The following NBAS variants were observed in gnomAD, a reference collection of about 807,000 sequenced individuals.
NBAS encodes NBAS subunit of NRZ tethering complex, also known as NAG/BC035112 fusion.
NBAS carries 219 observed loss-of-function variants against 302.5 expected under a neutral mutation model. That is an observed-to-expected ratio of 0.72 (90% CI 0.65 to 0.81). The LOEUF (loss-of-function observed/expected upper bound fraction) is 0.81, where lower values mean the gene tolerates loss of function less well. NBAS is among the 30% of genes least tolerant of loss of function. NBAS has a pLI of 0.00. For synonymous variants in NBAS, 1,118 were observed against 1,021.6 expected, an observed-to-expected ratio of 1.09 and a Z score of -1.80; for missense variants, 2,932 against 2,841.6, an observed-to-expected ratio of 1.03 and a Z score of -0.72.
chr2:15,148,291 T>C, the NBAS span, among the ~76,000 whole-genome samples: 191 of 152,290 alleles, frequency 1.3e-3, no homozygotes, highest in African/African-American at 4.3e-3. Flanking sequence ...ACCCAGGCCC[T>C]GCCACCAAAG....
the NBAS span, among the ~76,000 whole-genome samples, chr2:14,957,155 C>A: frequency 6.6e-6 from 1 of 152,106 alleles, no homozygotes; most frequent in Non-Finnish European, 1.5e-5. Flanking sequence ...AAAGAACCAA[C>A]CCTGATGACA....
At chr2:15,483,014 A>C (rs1403137184) in intron 12 of NBAS, among the ~76,000 whole-genome samples, 1 of 152,196 alleles carries the variant, frequency 6.6e-6, no homozygotes, top group African/African-American at 2.4e-5. Flanking sequence ...TGTTCTAAGA[A>C]TAGTTATAGG....
the NBAS span, among the ~76,000 whole-genome samples, chr2:14,923,644 G>A: frequency 6.6e-6 from 1 of 152,152 alleles, no homozygotes; most frequent in Non-Finnish European, 1.5e-5. Flanking sequence ...CACAACGTAG[G>A]ACATGGAGAA....
At chr2:15,465,679 T>A (rs1679690206) in intron 19 of NBAS, among the ~76,000 whole-genome samples, 1 of 152,194 alleles carries the variant, frequency 6.6e-6, no homozygotes. Flanking sequence ...ATTCATCAAA[T>A]TCACCTACTT....
intron 35 of NBAS, among the ~76,000 whole-genome samples, chr2:15,337,553 T>C (rs1196255829): frequency 6.6e-6 from 1 of 152,206 alleles, no homozygotes; most frequent in African/African-American, 2.4e-5. Context: ...TGTGCTTCTG[T>C]CCAAATGGAT....
At chr2:14,890,211 G>C in the NBAS span, among the ~76,000 whole-genome samples, 3 of 151,736 alleles carry the variant, frequency 2.0e-5, no homozygotes, top group Non-Finnish European at 2.9e-5. Flanking sequence ...TCCTTTATTC[G>C]TAGTTCCTAA....
chr2:15,529,984 T>C (rs1305474574), intron 9 of NBAS, among the ~76,000 whole-genome samples: 4 of 152,332 alleles, frequency 2.6e-5, no homozygotes, highest in Admixed American at 2.6e-4. Flanking sequence ...GACCTCTAAC[T>C]TCACATATCA....
the NBAS span, among the ~76,000 whole-genome samples, chr2:15,117,741 G>C: frequency 6.6e-6 from 1 of 152,150 alleles, no homozygotes; most frequent in Non-Finnish European, 1.5e-5. Context: ...TTTGGAGCTG[G>C]TGATACCAGG....
chr2:15,104,043 T>C, the NBAS span, among the ~76,000 whole-genome samples: 1 of 152,148 alleles, frequency 6.6e-6, no homozygotes, highest in African/African-American at 2.4e-5. Context: ...TGAATTGTAA[T>C]AATCCCCATG....
intron 42 of NBAS, among the ~76,000 whole-genome samples, chr2:15,282,420 C>A (rs1218191205): frequency 6.6e-6 from 1 of 152,142 alleles, no homozygotes; most frequent in Non-Finnish European, 1.5e-5. Context: ...AAGGCAGATG[C>A]AATATAGTTT....
intron 33 of NBAS, among the ~76,000 whole-genome samples, chr2:15,353,914 G>T (rs180967276): frequency 6.6e-6 from 1 of 152,268 alleles, no homozygotes; most frequent in African/African-American, 2.4e-5. Context: ...AAAGTTCAAT[G>T]CTACTCTAAA....
At chr2:14,803,754 A>G in the NBAS span, among the ~76,000 whole-genome samples, 4 of 152,060 alleles carry the variant, frequency 2.6e-5, no homozygotes, top group African/African-American at 7.3e-5. Context: ...GGTTCAAGCA[A>G]TTCTCCTGCT....
At chr2:14,896,047 A>T in the NBAS span, among the ~76,000 whole-genome samples, 1 of 152,118 alleles carries the variant, frequency 6.6e-6, no homozygotes, top group East Asian at 1.9e-4. Flanking sequence ...AGAATAAGAA[A>T]ACTAAGAATC....
At chr2:14,925,621 C>A in the NBAS span, among the ~76,000 whole-genome samples, 27 of 152,252 alleles carry the variant, frequency 1.8e-4, no homozygotes, top group Admixed American at 1.3e-3. Context: ...CCTTTCATGG[C>A]AAAATTGCAT....
At chr2:14,836,468 T>C in the NBAS span, among the ~76,000 whole-genome samples, 1 of 151,940 alleles carries the variant, frequency 6.6e-6, no homozygotes, top group African/African-American at 2.4e-5. Flanking sequence ...GCATATATCT[T>C]GAAGTTAATA....
chr2:15,116,169 A>G, the NBAS span, among the ~76,000 whole-genome samples: 1 of 152,148 alleles, frequency 6.6e-6, no homozygotes, highest in Non-Finnish European at 1.5e-5. Flanking sequence ...AGTCTGCTGG[A>G]ATGAAGGTTT....
chr2:14,958,893 A>C, the NBAS span, among the ~76,000 whole-genome samples: 1 of 152,220 alleles, frequency 6.6e-6, no homozygotes, highest in African/African-American at 2.4e-5. Flanking sequence ...TAGAAATCAA[A>C]AAGTAAATCC....
the NBAS span, among the ~76,000 whole-genome samples, chr2:14,809,952 G>T: frequency 6.6e-6 from 1 of 152,218 alleles, no homozygotes; most frequent in Non-Finnish European, 1.5e-5. Flanking sequence ...AGATTTGACT[G>T]CCCCGCTGTA....
chr2:15,487,114 G>A (rs940418114), intron 12 of NBAS, among the ~76,000 whole-genome samples: 167 of 152,206 alleles, frequency 1.1e-3, no homozygotes, highest in African/African-American at 3.9e-3. Flanking sequence ...GCCAAGGGGG[G>A]AAAATGCCTT....
Sources: allele counts gnomAD v4.1 joint callset (sites outside exome capture counted in the v4.1 genomes callset), GRCh38; gene constraint gnomAD v4.1.1; transcripts MANE v1.5; gene names NCBI Gene and HGNC (gene_info 2026-07-23, HGNC 2026-07-21).